ERC2: variants seen among roughly 807,000 people sequenced by gnomAD.
ERC2 encodes ERC protein 2.
Under a neutral mutation model 114.8 loss-of-function variants are expected in ERC2, and 42 were observed. The observed-to-expected ratio is 0.37, with a 90% confidence interval of 0.29 to 0.47. The LOEUF is 0.47. Among genes scored for constraint, ERC2 ranks in the 20% least tolerant of loss-of-function variants. The probability of loss-of-function intolerance (pLI) is 0.99; values close to 1 mark genes in which losing one functional copy is unlikely to be tolerated. For synonymous variants in ERC2, 454 were observed against 425.5 expected (o/e 1.07, Z -0.82); for missense variants, 939 against 1,150.7 (o/e 0.82, Z 2.66).
intron 2 of ERC2, among the ~76,000 whole-genome samples, chr3:56,382,285 A>G (rs565690515): frequency 2.5e-4 from 38 of 151,980 alleles, no homozygotes; most frequent in African/African-American, 8.7e-4. Context: ...TGCATTTTCT[A>G]CCAGGTCAGA....
chr3:55,952,527 C>CTA (rs1337575827), intron 12 of ERC2, among the ~76,000 whole-genome samples: 1 of 152,078 alleles, frequency 6.6e-6, no homozygotes, highest in Non-Finnish European at 1.5e-5. Context: ...AAAGCCCATG[C>CTA]TAACCTAAGG....
intron 14 of ERC2, 71 bp from the exon 15 acceptor site, chr3:55,734,989 T>A (rs1358400043): frequency 1.4e-6 from 2 of 1,419,206 alleles, no homozygotes; most frequent in Non-Finnish European, 1.9e-6. Flanking sequence ...GCATTTATAG[T>A]TGAAATGAAC....
intron 1 of ERC2, among the ~76,000 whole-genome samples, chr3:56,465,547 G>A (rs993894200): frequency 6.6e-6 from 1 of 152,212 alleles, no homozygotes; most frequent in Non-Finnish European, 1.5e-5. Context: ...GGAGACAACT[G>A]AAGGATGTTA....
intron 3 of ERC2, among the ~76,000 whole-genome samples, chr3:56,236,805 G>A (rs976656635): frequency 2.0e-5 from 3 of 152,144 alleles, no homozygotes; most frequent in Non-Finnish European, 4.4e-5. Context: ...AGAGAAAACA[G>A]ATACCTGAGT....
chr3:55,932,601 C>A (rs1188446858), intron 13 of ERC2, among the ~76,000 whole-genome samples: 1 of 152,160 alleles, frequency 6.6e-6, no homozygotes, highest in African/African-American at 2.4e-5. Context: ...GAATACTGCA[C>A]ACTCCTCATT....
intron 14 of ERC2, among the ~76,000 whole-genome samples, chr3:55,872,338 G>C (rs748393560): frequency 6.6e-6 from 1 of 152,090 alleles, no homozygotes; most frequent in Non-Finnish European, 1.5e-5. Context: ...TGGATGCCAG[G>C]CTTCCATGCA....
intron 4 of ERC2, among the ~76,000 whole-genome samples, chr3:56,150,508 CAAG>C (rs976050618): frequency 4.6e-5 from 7 of 151,978 alleles, no homozygotes; most frequent in African/African-American, 1.4e-4. Flanking sequence ...AGAAAAACTT[CAAG>C]AAGATGAAAT....
rs553057952 is a variant in ERC2 at position 56,141,226 on chromosome 3, T to G, written c.1306-1550A>C. Reference sequence around the variant, plus strand: ...TACCCATTCCTTCATTCCTTCCTACTTGTACACAAATGTCGCTCCTCACAA... The same window carrying G: ...TACCCATTCCTTCATTCCTTCCTACGTGTACACAAATGTCGCTCCTCACAA... On this transcript the variant is annotated intron_variant, in intron 5 of 17. Transcript: ENST00000288221. 2.0e-5 allele frequency among the ~76,000 whole-genome samples: 3 copies of G among 152,302 alleles called. No individual in the cohort carries two copies. The East Asian group carries it at 5.8e-4, about 29-fold the overall frequency.
At chr3:56,109,245 A>T (rs2078833297) in intron 6 of ERC2, among the ~76,000 whole-genome samples, 1 of 151,988 alleles carries the variant, frequency 6.6e-6, no homozygotes, top group Non-Finnish European at 1.5e-5. Context: ...AGATCTCATC[A>T]TTTAACTTGT....
chr3:55,983,421 C>T (rs529759713), intron 12 of ERC2, among the ~76,000 whole-genome samples: 1 of 152,314 alleles, frequency 6.6e-6, no homozygotes, highest in East Asian at 1.9e-4. Context: ...ACCTCTCCAG[C>T]TTCCCACCTG....
At chr3:55,900,054 G>T (rs1471509065) in intron 13 of ERC2, among the ~76,000 whole-genome samples, 1 of 152,042 alleles carries the variant, frequency 6.6e-6, no homozygotes, top group Non-Finnish European at 1.5e-5. Context: ...CCTTAAGATG[G>T]GCTACTCTTT....
intron 14 of ERC2, among the ~76,000 whole-genome samples, chr3:55,803,319 G>A (rs1344114650): frequency 6.6e-6 from 1 of 151,932 alleles, no homozygotes; most frequent in African/African-American, 2.4e-5. Context: ...TTTCTCCCAT[G>A]GCCTCCCTAC....
chr3:55,602,808 C>T (rs1174599977), intron 17 of ERC2, among the ~76,000 whole-genome samples: 2 of 152,154 alleles, frequency 1.3e-5, no homozygotes, highest in Admixed American at 1.3e-4. Flanking sequence ...TCATGTCTCT[C>T]CTTGCCAGCT....
intron 17 of ERC2, among the ~76,000 whole-genome samples, chr3:55,668,605 T>C (rs1055366821): frequency 1.3e-5 from 2 of 152,196 alleles, no homozygotes; most frequent in Non-Finnish European, 2.9e-5. Context: ...TTTCCTATCT[T>C]CTTTTTAGTG....
intron 14 of ERC2, among the ~76,000 whole-genome samples, chr3:55,810,208 A>G (rs1390242826): frequency 6.6e-6 from 1 of 152,174 alleles, no homozygotes; most frequent in Non-Finnish European, 1.5e-5. Context: ...CATATCATAG[A>G]AGAAAATCCA....
chr3:56,405,891 T>C (rs1289978176), intron 2 of ERC2, among the ~76,000 whole-genome samples: 3 of 139,724 alleles, frequency 2.1e-5, no homozygotes, highest in African/African-American at 5.4e-5. Context: ...TTTTTTCTTT[T>C]TTTTTTTTTT....
At position 55,773,308 on chromosome 3, in the gene ERC2, G is replaced by A. The variant is rs952108517; in HGVS notation, c.2565-38390C>T. 5.3e-5 allele frequency among the ~76,000 whole-genome samples: 8 copies of A among 152,170 alleles called. No individual in the cohort carries two copies. In the South Asian group the frequency reaches 6.2e-4, roughly 12 times the overall value. ...TCTGCCTGGAGCGCTCTTCCCTCTCGGACATGCACTTGGCTGGTTTCCTTA... is the reference window on the plus strand; with the variant it reads ...TCTGCCTGGAGCGCTCTTCCCTCTCAGACATGCACTTGGCTGGTTTCCTTA... On this transcript the variant is annotated intron_variant, in intron 14 of 17. Coordinates refer to ENST00000288221, the MANE Select transcript of ERC2 (RefSeq NM_015576.3).
chr3:56,307,889 A>C (rs888260579), intron 2 of ERC2, among the ~76,000 whole-genome samples: 1 of 152,010 alleles, frequency 6.6e-6, no homozygotes, highest in South Asian at 2.1e-4. Context: ...GACAGTTTCT[A>C]ATTTTCATAA....
At position 55,554,200 on chromosome 3, in the gene ERC2, G is replaced by A. The variant is rs1275216549; in HGVS notation, c.*40-42924C>T. On this transcript the variant is annotated intron_variant, in intron 17 of 17. Coordinates refer to ENST00000288221, the MANE Select transcript of ERC2 (RefSeq NM_015576.3). ...TATCTTACCATCCATGAAGGCAAGC[G>A]CTTTCCCTTTCCTGGGCCCCAGTTG... Among the ~76,000 whole-genome samples the A allele has an allele frequency of 8.5e-5, 13 of 152,268 alleles. No individual in the cohort carries two copies. In the East Asian group the frequency reaches 1.7e-3, roughly 20 times the overall value.
Sources: gnomAD v4.1 joint callset for allele counts (sites outside exome capture counted in the v4.1 genomes callset) on GRCh38, gnomAD v4.1.1 for gene constraint, MANE v1.5 for transcripts, NCBI Gene and HGNC (gene_info 2026-07-23, HGNC 2026-07-21) for gene names.